Variants in C5 observed in about 807,000 individuals in gnomAD.
C5 encodes the protein complement C5.
Under a neutral mutation model 218.8 loss-of-function variants are expected in C5, and 140 were observed. The ratio of observed to expected loss-of-function variants is 0.64; its 90% CI spans 0.56 to 0.74. The LOEUF (loss-of-function observed/expected upper bound fraction) is 0.74, where lower values mean the gene tolerates loss of function less well. Ranked by LOEUF, C5 falls within the 30% of genes least tolerant of loss-of-function variation. The pLI is 0.00. For missense variants in C5, 1,700 were observed against 1,969.6 expected, an observed-to-expected ratio of 0.86 and a Z score of 2.59; for synonymous variants, 614 against 682.3, an observed-to-expected ratio of 0.90 and a Z score of 1.56.
the C5 span, among the ~76,000 whole-genome samples, chr9:121,071,253 G>A: frequency 6.6e-6 from 1 of 152,054 alleles, no homozygotes; most frequent in Non-Finnish European, 1.5e-5. Context: ...CCTGGAGGTG[G>A]AGGTTGCAGT....
chr9:120,971,846 A>G (rs1273941534), intron 31 of C5, 84 bp downstream of exon 31: 1 of 1,027,236 alleles, frequency 9.7e-7, no homozygotes, highest in Non-Finnish European at 1.5e-6. Context: ...GATTTCTGTG[A>G]CTTTGTGGCA....
intron 3 of C5, among the ~76,000 whole-genome samples, chr9:121,042,194 C>T (rs1433926683): frequency 2.0e-5 from 3 of 152,046 alleles, no homozygotes; most frequent in Admixed American, 6.6e-5. Flanking sequence ...GAGGGAGAAA[C>T]GGGGGAATGG....
intron 30 of C5, among the ~76,000 whole-genome samples, chr9:120,973,137 A>G (rs2046927446): frequency 6.6e-6 from 1 of 152,210 alleles, no homozygotes; most frequent in Non-Finnish European, 1.5e-5. Flanking sequence ...CATGGAACAC[A>G]TTTCAGGAAA....
At chr9:121,048,902 A>G (rs2047650956) in intron 1 of C5, among the ~76,000 whole-genome samples, 1 of 152,100 alleles carries the variant, frequency 6.6e-6, no homozygotes, top group African/African-American at 2.4e-5. Context: ...TCCTGGCCAC[A>G]TTTTAAAATA....
intron 11 of C5, 34 bp from the exon 12 acceptor site, chr9:121,020,213 T>G: frequency 7.5e-7 from 1 of 1,341,094 alleles, no homozygotes; most frequent in Non-Finnish European, 1.1e-6. Context: ...ACATGTATAC[T>G]GTGATGTAAT....
At chr9:121,002,570 G>A (rs920910965) in intron 20 of C5, among the ~76,000 whole-genome samples, 14 of 151,752 alleles carry the variant, frequency 9.2e-5, no homozygotes, top group Non-Finnish European at 1.5e-5. Context: ...AGATCAGTGT[G>A]AGTTATAAAA....
the C5 span, among the ~76,000 whole-genome samples, chr9:121,065,314 A>G: frequency 2.0e-5 from 3 of 152,302 alleles, no homozygotes; most frequent in East Asian, 1.9e-4. Context: ...TACAGCCAAT[A>G]TATTTTTATA....
rs150470491 is a variant in C5, at chr9:120,980,100, C to G, written c.3641G>C (p.Arg1214Thr). ...QFRSIVSALK[R>T]EALVKGNPPI... Reference sequence around the variant, plus strand: ...AGTTATACCTTTAACCAAAGCTTCTCTCTTCAAAGCTGAAACAATTGAACG... The same window carrying G: ...AGTTATACCTTTAACCAAAGCTTCTGTCTTCAAAGCTGAAACAATTGAACG... The change falls in exon 28 of 41, where the codon AGA becomes ACA. Residue 1214 changes from arginine to threonine, a missense_variant. Arg to Thr is a moderately conservative substitution (Grantham distance 71, BLOSUM62 -1). Coordinates refer to ENST00000223642, the MANE Select transcript of C5 (RefSeq NM_001735.3). 1 of 1,614,148 alleles carries G rather than the reference C, an allele frequency of 6.2e-7. No homozygotes were observed. Among genetic ancestry groups the G allele is most frequent in the Non-Finnish European group, 8.5e-7 (1 of 1,180,006 alleles).
the C5 span, among the ~76,000 whole-genome samples, chr9:121,070,409 ATATATATATATATATATG>A: frequency 1.5e-5 from 2 of 137,048 alleles, no homozygotes; most frequent in African/African-American, 2.8e-5. Context: ...ATATATATAT[ATATATATATATATATATG>A]TATGTATATT....
intron 25 of C5, among the ~76,000 whole-genome samples, chr9:120,988,526 G>T (rs563196236): frequency 6.6e-6 from 1 of 152,176 alleles, no homozygotes; most frequent in Non-Finnish European, 1.5e-5. Flanking sequence ...CATGCCTGGT[G>T]TGTTTGAGGA....
At chr9:121,015,466 A>G (rs1003053884) in intron 15 of C5, among the ~76,000 whole-genome samples, 2 of 152,234 alleles carry the variant, frequency 1.3e-5, no homozygotes, top group Admixed American at 1.3e-4. Context: ...ATCTAGTGTC[A>G]TATCTTTTGA....
chr9:120,999,285 G>C (rs763724303), intron 20 of C5, among the ~76,000 whole-genome samples: 4 of 152,170 alleles, frequency 2.6e-5, no homozygotes, highest in Non-Finnish European at 5.9e-5. Context: ...AGATACTAGA[G>C]AGTGGGAGGG....
the C5 span, among the ~76,000 whole-genome samples, chr9:121,060,668 A>C: frequency 3.1e-4 from 47 of 149,796 alleles, no homozygotes; most frequent in East Asian, 2.0e-3. Context: ...ATCCCTCCCC[A>C]CCCCACCCAG....
intron 4 of C5, among the ~76,000 whole-genome samples, 153 bp downstream of exon 4, chr9:121,037,728 G>T (rs1362406986): frequency 6.6e-6 from 1 of 151,978 alleles, no homozygotes; most frequent in Non-Finnish European, 1.5e-5. Flanking sequence ...TATTACAGAG[G>T]TATAGATCTA....
At chr9:121,001,778 T>C (rs2047163431) in intron 20 of C5, among the ~76,000 whole-genome samples, 1 of 152,190 alleles carries the variant, frequency 6.6e-6, no homozygotes. Flanking sequence ...ATTGATGGAA[T>C]CCTTTTGGAA....
the C5 span, among the ~76,000 whole-genome samples, chr9:121,065,752 T>G: frequency 6.6e-6 from 1 of 152,174 alleles, no homozygotes; most frequent in Non-Finnish European, 1.5e-5. Context: ...TCTTCCAAAG[T>G]GCTGAGATTA....
At chr9:121,001,400 T>C (rs1331137173) in intron 20 of C5, among the ~76,000 whole-genome samples, 1 of 152,138 alleles carries the variant, frequency 6.6e-6, no homozygotes, top group East Asian at 1.9e-4. Flanking sequence ...CACAGACAAA[T>C]GAAATGAGGT....
At chr9:120,966,080 T>C (rs769892532) in intron 33 of C5, among the ~76,000 whole-genome samples, 299 of 152,192 alleles carry the variant, frequency 2.0e-3, no homozygotes, top group Admixed American at 3.3e-3. Context: ...GGAGAGAGAA[T>C]ATTTGAAGGC....
At chr9:121,057,956 C>T in the C5 span, among the ~76,000 whole-genome samples, 2 of 152,094 alleles carry the variant, frequency 1.3e-5, no homozygotes, top group African/African-American at 2.4e-5. Flanking sequence ...ACTTTAAATC[C>T]GGTGTTGTTT....
Sources: allele counts gnomAD v4.1 joint callset (sites outside exome capture counted in the v4.1 genomes callset), GRCh38; gene constraint gnomAD v4.1.1; transcripts MANE v1.5; gene names NCBI Gene and HGNC (gene_info 2026-07-23, HGNC 2026-07-21).